The following TNNI3K variants were observed in gnomAD, a reference collection of about 807,000 sequenced individuals.
TNNI3K encodes serine/threonine-protein kinase TNNI3K.
TNNI3K carries 140 observed loss-of-function variants against 114.5 expected under a neutral mutation model. The observed-to-expected ratio is 1.22, with a 90% CI of 1.07 to 1.41. The LOEUF (loss-of-function observed/expected upper bound fraction) is 1.41, where lower values mean the gene tolerates loss of function less well. Among genes scored for constraint, TNNI3K ranks in the 40% most tolerant of loss-of-function variants. TNNI3K has a pLI of 0.00. For synonymous variants in TNNI3K, 347 were observed against 347.5 expected (o/e 1.00, Z 0.02); for missense variants, 1,125 against 1,007.6 (o/e 1.12, Z -1.58).
intron 21 of TNNI3K, chr1:74,468,326 A>G (rs1384057502): frequency 2.6e-5 from 4 of 152,140 alleles, no homozygotes; most frequent in African/African-American, 9.7e-5. Flanking sequence ...GTCTACAAAG[A>G]TGAAGAAACT....
intron 23 of TNNI3K, among the ~76,000 whole-genome samples, chr1:74,499,839 A>G (rs1419561792): frequency 6.6e-6 from 1 of 152,040 alleles, no homozygotes; most frequent in African/African-American, 2.4e-5. Context: ...AGAGTTTACA[A>G]TTTTCTTTAT....
rs201429445 is a variant in TNNI3K at position 74,436,072 on chromosome 1, T to C, written c.1773-8T>C. ...AATGTCTACTTTTTTTTTTTTTTTTTTTTACAGTCACAATATTCTTCTCTA... is the reference window on the plus strand; with the variant it reads ...AATGTCTACTTTTTTTTTTTTTTTTCTTTACAGTCACAATATTCTTCTCTA... On this transcript the variant is annotated splice_region_variant and splice_polypyrimidine_tract_variant and intron_variant, in intron 17 of 24. Transcript: ENST00000326637. The C allele has an allele frequency of 5.7e-6, 9 of 1,588,490 alleles. No homozygotes were observed. Among genetic ancestry groups the C allele is most frequent in the Non-Finnish European group, 7.7e-6 (9 of 1,172,162 alleles).
chr1:74,523,082 T>C (rs143051817), intron 23 of TNNI3K, among the ~76,000 whole-genome samples: 178 of 152,328 alleles, frequency 1.2e-3, no homozygotes, highest in African/African-American at 4.0e-3. Flanking sequence ...ATAGGTTCTG[T>C]CTGATTCCTC....
At chr1:74,517,423 C>T (rs183593605) in intron 23 of TNNI3K, among the ~76,000 whole-genome samples, 3 of 152,330 alleles carry the variant, frequency 2.0e-5, no homozygotes, top group Non-Finnish European at 4.4e-5. Context: ...CCTTCAAACA[C>T]TTACTTGAGC....
At chr1:74,445,012 A>G (rs1666569454) in intron 20 of TNNI3K, among the ~76,000 whole-genome samples, 1 of 152,150 alleles carries the variant, frequency 6.6e-6, no homozygotes, top group Non-Finnish European at 1.5e-5. Flanking sequence ...CCCCTTCCTT[A>G]TATCTTATAC....
intron 21 of TNNI3K, among the ~76,000 whole-genome samples, chr1:74,478,870 ATTTC>A (rs956463620): frequency 1.3e-5 from 2 of 152,152 alleles, no homozygotes; most frequent in African/African-American, 4.8e-5. Flanking sequence ...ATGGTAAATT[ATTTC>A]TTAGCACATA....
intron 21 of TNNI3K, among the ~76,000 whole-genome samples, chr1:74,481,623 C>A (rs1668509420): frequency 6.6e-6 from 1 of 152,164 alleles, no homozygotes; most frequent in South Asian, 2.1e-4. Context: ...ATATCTGTTC[C>A]CTCCAATGAA....
intron 17 of TNNI3K, among the ~76,000 whole-genome samples, chr1:74,391,957 A>ATTATTATTTTTTTT (rs1369570973): frequency 8.6e-5 from 8 of 92,990 alleles, no homozygotes; most frequent in South Asian, 3.6e-4. Flanking sequence ...ACAGCTTATT[A>ATTATTATTTTTTTT]TTTTTTTTTT....
rs115558389 is a variant in TNNI3K at position 74,366,193 on chromosome 1, A to G, written c.1178-1063A>G. Among the ~76,000 whole-genome samples the G allele has an allele frequency of 9.7e-3, 1,476 of 152,110 alleles. 28 individuals are homozygous for G. The highest frequency in any genetic ancestry group is 0.033 in the African/African-American group (1,389 of 41,524). ...ATGGATAAGTATTTATGCTTTTTCAATTCCTTAAATTTACCAGTTTTACAA... is the reference window on the plus strand; with the variant it reads ...ATGGATAAGTATTTATGCTTTTTCAGTTCCTTAAATTTACCAGTTTTACAA... On this transcript the variant is annotated intron_variant, in intron 11 of 24. Transcript: ENST00000326637.
chr1:74,427,998 A>G (rs952369904), intron 17 of TNNI3K, among the ~76,000 whole-genome samples: 1 of 151,790 alleles, frequency 6.6e-6, no homozygotes, highest in Admixed American at 6.6e-5. Context: ...TACAAATCTT[A>G]TAATCCACCT....
chr1:74,239,933 C>T (rs1207977006), intron 2 of TNNI3K: 1 of 469,780 alleles, frequency 2.1e-6, no homozygotes, highest in Non-Finnish European at 4.4e-6. Flanking sequence ...TGCATTCACT[C>T]ATAACTTTGG....
chr1:74,510,627 C>A (rs1267233226), intron 23 of TNNI3K, among the ~76,000 whole-genome samples: 1 of 152,236 alleles, frequency 6.6e-6, no homozygotes, highest in Non-Finnish European at 1.5e-5. Context: ...AAACTACCAA[C>A]TACCAGATCT....
Position 74,267,175 on chromosome 1 carries a change from A to G in TNNI3K, c.334-4423A>G, listed in dbSNP as rs536237254. ...CATTGCCATTAGACATTTCTTATAT[A>G]TGGTAAACTGCAAGCAATAAATGAG... On this transcript the variant is annotated intron_variant, in intron 4 of 24. Transcript: ENST00000326637. Among the ~76,000 whole-genome samples, 3 of 151,998 alleles carry G rather than the reference A, an allele frequency of 2.0e-5. No individual in the cohort carries two copies. The East Asian group carries it at 5.8e-4, about 29-fold the overall frequency.
At chr1:74,269,937 A>T (rs1656238166) in intron 4 of TNNI3K, among the ~76,000 whole-genome samples, 1 of 151,862 alleles carries the variant, frequency 6.6e-6, no homozygotes, top group Admixed American at 6.6e-5. Context: ...GAATCAAGGA[A>T]TGTATAGTTT....
At chr1:74,355,935 T>C (rs1414984941) in intron 11 of TNNI3K, among the ~76,000 whole-genome samples, 1 of 152,154 alleles carries the variant, frequency 6.6e-6, no homozygotes, top group Non-Finnish European at 1.5e-5. Flanking sequence ...TTTGCACATA[T>C]TATAACCATA....
chr1:74,247,016 A>G (rs549858038), intron 2 of TNNI3K, among the ~76,000 whole-genome samples: 1 of 152,314 alleles, frequency 6.6e-6, no homozygotes, highest in African/African-American at 2.4e-5. Context: ...AATGAGTAAA[A>G]TAATATATGT....
intron 23 of TNNI3K, among the ~76,000 whole-genome samples, chr1:74,516,763 G>A (rs1414071217): frequency 1.3e-5 from 2 of 152,142 alleles, no homozygotes; most frequent in East Asian, 3.9e-4. Flanking sequence ...AATAATGAAT[G>A]TGCCCTCATA....
At chr1:74,261,973 C>T (rs1655701799) in intron 4 of TNNI3K, among the ~76,000 whole-genome samples, 3 of 152,152 alleles carry the variant, frequency 2.0e-5, no homozygotes, top group Non-Finnish European at 2.9e-5. Flanking sequence ...TTTTTTGCTA[C>T]GTAACTGTGC....
intron 23 of TNNI3K, chr1:74,512,655 C>G (rs1283596984): frequency 6.6e-6 from 1 of 152,220 alleles, no homozygotes; most frequent in African/African-American, 2.4e-5. Context: ...CATCTCCACT[C>G]CCACACCACC....
Sources: allele counts gnomAD v4.1 joint callset (sites outside exome capture counted in the v4.1 genomes callset), GRCh38; gene constraint gnomAD v4.1.1; transcripts MANE v1.5; gene names NCBI Gene and HGNC (gene_info 2026-07-23, HGNC 2026-07-21).